The following CTNNA3 variants were observed in gnomAD, a reference collection of about 807,000 sequenced individuals.
The protein encoded by CTNNA3 is catenin alpha-3.
Under a neutral mutation model 95.7 loss-of-function variants are expected in CTNNA3, and 76 were observed. That is an observed-to-expected ratio of 0.79 (90% CI 0.66 to 0.96). CTNNA3 has a LOEUF of 0.96. Ranked by LOEUF, CTNNA3 falls within the 40% of genes least tolerant of loss-of-function variation. The probability of loss-of-function intolerance (pLI) is 0.00; values close to 1 mark genes in which losing one functional copy is unlikely to be tolerated. For missense variants in CTNNA3, 1,191 were observed against 1,089.8 expected, an observed-to-expected ratio of 1.09 and a Z score of -1.31; for synonymous variants, 431 against 374.4, an observed-to-expected ratio of 1.15 and a Z score of -1.74.
intron 12 of CTNNA3, among the ~76,000 whole-genome samples, chr10:66,331,846 T>G (rs1418706899): frequency 6.6e-6 from 1 of 152,022 alleles, no homozygotes; most frequent in Non-Finnish European, 1.5e-5. Flanking sequence ...AAGAAAGTCA[T>G]TGGTAGCTTG....
intron 5 of CTNNA3, among the ~76,000 whole-genome samples, chr10:67,389,263 A>C (rs1200420995): frequency 9.3e-3 from 1,145 of 123,598 alleles, no homozygotes; most frequent in South Asian, 0.019. Context: ...TTGCAATCCT[A>C]GTCTCTGATA....
chr10:66,640,614 C>T (rs1056312109), intron 9 of CTNNA3, among the ~76,000 whole-genome samples: 2 of 152,078 alleles, frequency 1.3e-5, no homozygotes, highest in Non-Finnish European at 2.9e-5. Context: ...AGTATACTTA[C>T]GGGGAGCCAA....
intron 13 of CTNNA3, among the ~76,000 whole-genome samples, chr10:66,116,046 A>G (rs1198747793): frequency 6.6e-6 from 1 of 152,198 alleles, no homozygotes; most frequent in East Asian, 1.9e-4. Context: ...GAAAACTAGA[A>G]TGCGACAAAA....
intron 13 of CTNNA3, among the ~76,000 whole-genome samples, chr10:66,119,503 T>C (rs762895490): frequency 6.6e-6 from 1 of 152,162 alleles, no homozygotes; most frequent in Admixed American, 6.6e-5. Flanking sequence ...TGCAGACAAA[T>C]GTATACATAT....
intron 3 of CTNNA3, among the ~76,000 whole-genome samples, chr10:67,551,309 T>C (rs771688065): frequency 4.6e-5 from 7 of 152,058 alleles, no homozygotes; most frequent in Non-Finnish European, 1.0e-4. Context: ...CCGCAGGCCA[T>C]CGACCGGTGG....
At chr10:67,089,717 A>ATGTGTGTGTGTGTG (rs71006125) in intron 7 of CTNNA3, among the ~76,000 whole-genome samples, 56 of 144,742 alleles carry the variant, frequency 3.9e-4, no homozygotes, top group African/African-American at 7.1e-4. Context: ...GTATATACAT[A>ATGTGTGTGTGTGTG]TGTGTGTGTG....
chr10:66,751,870 A>G (rs1033737562), intron 9 of CTNNA3, among the ~76,000 whole-genome samples: 2 of 152,196 alleles, frequency 1.3e-5, no homozygotes, highest in African/African-American at 4.8e-5. Flanking sequence ...TATGTAGTAT[A>G]AAAATAGGTG....
At chr10:65,962,494 T>A (rs573203855) in intron 17 of CTNNA3, among the ~76,000 whole-genome samples, 3 of 152,274 alleles carry the variant, frequency 2.0e-5, no homozygotes, top group Admixed American at 1.3e-4. Flanking sequence ...CTTGTATAGA[T>A]ACACTCCTTT....
At chr10:67,491,207 A>T (rs1383916082) in intron 5 of CTNNA3, among the ~76,000 whole-genome samples, 1 of 152,218 alleles carries the variant, frequency 6.6e-6, no homozygotes, top group Non-Finnish European at 1.5e-5. Context: ...CCAAAATTAC[A>T]GACAGATATA....
intron 5 of CTNNA3, among the ~76,000 whole-genome samples, chr10:67,396,038 GCA>G (rs1844695075): frequency 1.3e-5 from 2 of 151,986 alleles, no homozygotes; most frequent in South Asian, 4.2e-4. Flanking sequence ...TAAAATAAAA[GCA>G]GAGTATATTT....
intron 11 of CTNNA3, among the ~76,000 whole-genome samples, chr10:66,463,578 A>T (rs1564987912): frequency 6.6e-6 from 1 of 152,236 alleles, no homozygotes; most frequent in South Asian, 2.1e-4. Flanking sequence ...AACATGCAGA[A>T]AACTTTACCA....
At chr10:67,198,882 T>C (rs1372774165) in intron 6 of CTNNA3, among the ~76,000 whole-genome samples, 4 of 152,172 alleles carry the variant, frequency 2.6e-5, no homozygotes. Context: ...GTCTTTAAAG[T>C]TTTTACCAAA....
At chr10:65,964,638 C>T (rs957116306) in intron 17 of CTNNA3, among the ~76,000 whole-genome samples, 10 of 151,964 alleles carry the variant, frequency 6.6e-5, no homozygotes, top group East Asian at 3.9e-4. Context: ...GAAAGCTTAG[C>T]GTCATACAAC....
intron 1 of CTNNA3, among the ~76,000 whole-genome samples, chr10:67,758,799 T>C (rs1162114250): frequency 1.3e-5 from 2 of 152,166 alleles, no homozygotes; most frequent in African/African-American, 4.8e-5. Flanking sequence ...AAGATGTCTT[T>C]GGTAAGTCCA....
At chr10:66,111,870 T>G (rs2082133908) in intron 13 of CTNNA3, among the ~76,000 whole-genome samples, 1 of 151,812 alleles carries the variant, frequency 6.6e-6, no homozygotes, top group Admixed American at 6.6e-5. Flanking sequence ...TTGTTTTTTG[T>G]TAGGCCAATC....
chr10:67,051,671 A>T (rs7909959), intron 7 of CTNNA3, among the ~76,000 whole-genome samples: 76,082 of 150,884 alleles, frequency 0.5, 19,540 homozygotes, highest in Middle Eastern at 0.62. Context: ...CCCAAAGTGT[A>T]GGGATTACAG....
chr10:66,543,494 AT>A (rs1218018406), intron 10 of CTNNA3, among the ~76,000 whole-genome samples: 2 of 152,190 alleles, frequency 1.3e-5, no homozygotes, highest in Non-Finnish European at 1.5e-5. Flanking sequence ...GAAGAAAAAA[AT>A]AAATTAAAAA....
rs1169730564 is a variant in CTNNA3, at chr10:66,347,718, C to T, written c.1732+31434G>A. Among the ~76,000 whole-genome samples the T allele has an allele frequency of 1.3e-5, 2 of 151,678 alleles. 1 individual carries two copies. Among genetic ancestry groups the T allele is most frequent in the Non-Finnish European group, 2.9e-5 (2 of 67,886 alleles). On this transcript the variant is annotated intron_variant, in intron 12 of 17. Coordinates refer to ENST00000433211, the MANE Select transcript of CTNNA3 (RefSeq NM_013266.4). ...GGATGAATCATCATATCATACACAACTGAAGAAAAGATTAGTGAATTGGAA... is the reference window on the plus strand; with the variant it reads ...GGATGAATCATCATATCATACACAATTGAAGAAAAGATTAGTGAATTGGAA...
At chr10:67,486,111 T>C (rs912676724) in intron 5 of CTNNA3, among the ~76,000 whole-genome samples, 1 of 152,196 alleles carries the variant, frequency 6.6e-6, no homozygotes, top group African/African-American at 2.4e-5. Flanking sequence ...AAAGTGTTGA[T>C]TGATGAGGCA....
Sources: allele counts gnomAD v4.1 joint callset (sites outside exome capture counted in the v4.1 genomes callset), GRCh38; gene constraint gnomAD v4.1.1; transcripts MANE v1.5; gene names NCBI Gene and HGNC (gene_info 2026-07-23, HGNC 2026-07-21).